Variants in C2 observed in about 807,000 individuals in gnomAD.
C2 encodes the protein C3/C5 convertase.
Under a neutral mutation model 85.2 loss-of-function variants are expected in C2, and 64 were observed. The observed-to-expected ratio is 0.75, with a 90% CI of 0.61 to 0.92. The LOEUF (loss-of-function observed/expected upper bound fraction) is 0.92. Ranked by LOEUF, C2 falls within the 40% of genes least tolerant of loss-of-function variation. The pLI, the probability that C2 is intolerant of heterozygous loss-of-function variation, is 0.00. For missense variants in C2, 820 were observed against 971.6 expected, an observed-to-expected ratio of 0.84 and a Z score of 2.07; for synonymous variants, 311 against 370.8, an observed-to-expected ratio of 0.84 and a Z score of 1.85.
chr6:31,935,828 T>G lies in C2; in HGVS notation c.850-95T>G, dbSNP rs1770359536. 7 of 1,395,230 alleles carry G rather than the reference T, an allele frequency of 5.0e-6. No homozygotes were observed. The South Asian group carries it at 8.1e-5, about 16-fold the overall frequency. 86.4% of individuals were successfully genotyped at this position (1,395,230 alleles called of 1,614,324 possible). ...CTTGCCTCTGTCGGTCTCACTCCAG[T>G]TTCTCTGCCTCCTCCAGGGCCCTTT... is the stretch of plus-strand genomic sequence containing the variant. On this transcript the variant is annotated intron_variant, in intron 6 of 17. Transcript: ENST00000299367. This position sits in a 1 kb window ranked among gnomAD's most constrained non-coding sequence, Gnocchi z 4.3.
chr6:31,908,380 G>C (rs945663300), intron 1 of C2, among the ~76,000 whole-genome samples: 38 of 151,424 alleles, frequency 2.5e-4, no homozygotes, highest in Non-Finnish European at 4.6e-4. Context: ...GGCTGGGTGG[G>C]GTGACTCACT....
rs753045742 is a variant in C2, at chr6:31,940,910, C to T, written c.1219+1590C>T. ...TAAGCACCTTGCTTTTTACACACAA[C>T]GCGGGGCTCTCTGAGAACAAAAATG... On this transcript the variant is annotated intron_variant, in intron 9 of 17. Transcript: ENST00000299367. 8.7e-4 allele frequency among the ~76,000 whole-genome samples: 132 copies of T among 152,278 alleles called. 1 individual carries two copies. The highest frequency in any genetic ancestry group is 1.5e-3 in the Non-Finnish European group (105 of 68,028).
chr6:31,902,377 C>G (rs1434443789), intron 1 of C2, among the ~76,000 whole-genome samples: 1 of 151,850 alleles, frequency 6.6e-6, no homozygotes, highest in Non-Finnish European at 1.5e-5. Flanking sequence ...CGCGTCCCCG[C>G]GCCCCGCCCG....
At chr6:31,923,205 G>A (rs1288177136), upstream of C2, among the ~76,000 whole-genome samples, 1 of 152,218 alleles carries the variant, frequency 6.6e-6, no homozygotes, top group Non-Finnish European at 1.5e-5. Flanking sequence ...AGCCCCACAG[G>A]TCAGGTCATG....
intron 3 of C2, among the ~76,000 whole-genome samples, chr6:31,931,717 C>A (rs1769767411): frequency 1.3e-5 from 2 of 152,198 alleles, no homozygotes; most frequent in African/African-American, 4.8e-5. Flanking sequence ...CCCACCTTTC[C>A]CCCCTTTCTA....
chr6:31,934,056 C>G (rs916947706), intron 5 of C2, 91 bp downstream of exon 5: 1 of 1,549,736 alleles, frequency 6.5e-7, no homozygotes, highest in Non-Finnish European at 8.9e-7. Context: ...GGCCAGGAGC[C>G]TTGGTGGGCT....
intron 8 of C2, 35 bp from the exon 9 acceptor site, chr6:31,939,196 T>C: frequency 2.1e-6 from 3 of 1,458,732 alleles, no homozygotes; most frequent in Non-Finnish European, 1.9e-6. Flanking sequence ...AATCCTGATA[T>C]TACCTAGAAG....
chr6:31,908,601 G>A (rs565246878), intron 1 of C2, among the ~76,000 whole-genome samples: 3 of 150,046 alleles, frequency 2.0e-5, no homozygotes, highest in Non-Finnish European at 3.0e-5. Flanking sequence ...GTAATGAGCC[G>A]AGATTGCACC....
In C2 at chr6:31,920,224, GC is replaced by G. The variant is rs956451981; in HGVS notation, c.-100+199del. 1 of 152,310 alleles carries G rather than the reference GC, an allele frequency of 6.6e-6. No homozygotes were observed. The allele number at this position is 152,310 out of a possible 1,614,324, so 9.4% of individuals were successfully genotyped here. The stretch of plus-strand genomic sequence containing the variant: ...GCATGAACGTATGTCTTTCTACTGG[GC>G]AAGTTCCCTCTTCACCCCTTGGCAG... On this transcript the variant is annotated intron_variant, in intron 1 of 3. Transcript: ENST00000413154. This position sits in a 1 kb window ranked among gnomAD's most constrained non-coding sequence, Gnocchi z 5.6.
intron 1 of C2, among the ~76,000 whole-genome samples, chr6:31,911,918 C>T (rs1158759216): frequency 6.7e-6 from 1 of 148,606 alleles, no homozygotes; most frequent in African/African-American, 2.5e-5. Context: ...GCATGAGCCA[C>T]CATGTCTGGC....
Position 31,933,687 on chromosome 6 carries a change from C to G in C2, c.520C>G (p.Arg174Gly). The change falls in exon 4 of 18, where the codon CGC (arginine) becomes GGC (glycine). Residue 174 changes from arginine to glycine, a missense_variant. Coordinates refer to ENST00000299367, the MANE Select transcript of C2 (RefSeq NM_000063.6). ...CCGCTTTGGTCATGGGGACAAGGTC[C>G]GCTATCGCTGCTCCTCGAATCTTGT... ...GFRFGHGDKV[R>G]YRCSSNLVLT... 7 of 1,613,162 alleles carry G rather than the reference C, an allele frequency of 4.3e-6. No homozygotes were observed. The highest frequency in any genetic ancestry group is 5.1e-6 in the Non-Finnish European group (6 of 1,180,044).
rs896944042 is a variant in C2 at position 31,936,354 on chromosome 6, C to A, written c.988+293C>A. The stretch of plus-strand genomic sequence containing the variant: ...GCATGGCTGCACACTGCCATCTCCC[C>A]ATGTCATTAGCCACCCATACACCAT... On this transcript the variant is annotated intron_variant, in intron 7 of 17. Coordinates refer to ENST00000299367, the MANE Select transcript of C2 (RefSeq NM_000063.6). 9 of 459,094 alleles carry A rather than the reference C, an allele frequency of 2.0e-5. No individual in the cohort carries two copies. In the Admixed American group the frequency reaches 2.7e-4, roughly 14 times the overall value. 28.4% of individuals were successfully genotyped at this position (459,094 alleles called of 1,614,324 possible).
upstream of C2, among the ~76,000 whole-genome samples, chr6:31,917,569 C>A (rs758259538): frequency 2.6e-5 from 4 of 151,990 alleles, no homozygotes; most frequent in Non-Finnish European, 5.9e-5. Flanking sequence ...AACAAACCTG[C>A]ACCTGTACCC....
upstream of C2, among the ~76,000 whole-genome samples, chr6:31,926,350 G>A (rs1401733189): frequency 9.1e-6 from 1 of 109,380 alleles, no homozygotes; most frequent in Admixed American, 1.0e-4. Context: ...TTTTTTTTTT[G>A]AGACAGAGTC....
At position 31,939,224 on chromosome 6, in the gene C2, G is replaced by T. The variant is rs1179544757; in HGVS notation, c.1130-7G>T. The T allele has an allele frequency of 6.3e-7, 1 of 1,595,578 alleles. No homozygotes were observed. Among genetic ancestry groups the T allele is most frequent in the Non-Finnish European group, 8.6e-7 (1 of 1,164,416 alleles). On this transcript the variant is annotated splice_region_variant and splice_polypyrimidine_tract_variant and intron_variant, in intron 8 of 17. Coordinates refer to ENST00000299367, the MANE Select transcript of C2 (RefSeq NM_000063.6). ...CCTAGAAGAATTCTTTATTCTCTTT[G>T]TTCTAGGAAAGTCCAATATGGGTGG...
intron 1 of C2, chr6:31,901,427 A>T: frequency 9.1e-7 from 1 of 1,095,412 alleles, no homozygotes; most frequent in South Asian, 1.7e-5. Context: ...CCGGCATCCG[A>T]TCTCCCGGTC....
In C2 at chr6:31,927,884, T is replaced by C. The variant is rs1769384935; in HGVS notation, c.47-71T>C. The C allele has an allele frequency of 1.3e-6, 2 of 1,590,108 alleles. No individual in the cohort carries two copies. The highest frequency in any genetic ancestry group is 1.3e-5 in the African/African-American group (1 of 74,370). On this transcript the variant is annotated intron_variant, in intron 1 of 17. Coordinates refer to ENST00000299367, the MANE Select transcript of C2 (RefSeq NM_000063.6). This position sits in a 1 kb window ranked among gnomAD's most constrained non-coding sequence, Gnocchi z 4.7. ...GAATTCCCATGTGTGAAACAGTCTC[T>C]TTTGCTTTCCTTTTCTCATCTGTGT...
intron 3 of C2, among the ~76,000 whole-genome samples, chr6:31,930,159 G>A (rs1450184687): frequency 1.3e-5 from 2 of 149,500 alleles, no homozygotes; most frequent in African/African-American, 2.5e-5. Context: ...TCAGCTCACC[G>A]CAACATCTGC....
chr6:31,934,072 A>G (rs776537380), intron 5 of C2, 94 bp from the exon 6 acceptor site: 9 of 1,562,538 alleles, frequency 5.8e-6, no homozygotes, highest in Non-Finnish European at 7.9e-6. Flanking sequence ...GGGCTCAGCC[A>G]CTGAAAGGGA....
Sources: allele counts gnomAD v4.1 joint callset (sites outside exome capture counted in the v4.1 genomes callset), GRCh38; gene constraint gnomAD v4.1.1; non-coding constraint Gnocchi (gnomAD v3.1); transcripts MANE v1.5; gene names NCBI Gene and HGNC (gene_info 2026-07-23, HGNC 2026-07-21).